Variants in RABGAP1L observed in about 807,000 individuals in gnomAD.
The protein encoded by RABGAP1L is rab GTPase-activating protein 1-like.
Under a neutral mutation model 137.7 loss-of-function variants are expected in RABGAP1L, and 63 were observed. That is an observed-to-expected ratio of 0.46 (90% CI 0.37 to 0.56). The LOEUF (loss-of-function observed/expected upper bound fraction) is 0.56. Ranked by LOEUF, RABGAP1L falls within the 20% of genes least tolerant of loss-of-function variation. RABGAP1L has a pLI of 0.00. For synonymous variants in RABGAP1L, 431 were observed against 433.7 expected, an observed-to-expected ratio of 0.99 and a Z score of 0.08; for missense variants, 1,095 against 1,244.0, an observed-to-expected ratio of 0.88 and a Z score of 1.80.
At chr1:174,582,817 A>G (rs1430370172) in intron 13 of RABGAP1L, among the ~76,000 whole-genome samples, 4 of 152,174 alleles carry the variant, frequency 2.6e-5, no homozygotes, top group African/African-American at 9.7e-5. Context: ...ATGCCTTACT[A>G]CTAGGACTTT....
intron 1 of RABGAP1L, among the ~76,000 whole-genome samples, chr1:174,172,914 A>G (rs568110790): frequency 2.0e-5 from 3 of 152,202 alleles, no homozygotes; most frequent in African/African-American, 7.2e-5. Context: ...GTATCCACCA[A>G]TATCATTGCC....
chr1:174,930,326 ACTT>A (rs1053553172), intron 19 of RABGAP1L, among the ~76,000 whole-genome samples: 6 of 148,500 alleles, frequency 4.0e-5, no homozygotes, highest in African/African-American at 1.5e-4. Flanking sequence ...CCTAGATCAA[ACTT>A]CTTTTTTTTT....
chr1:174,636,469 G>T (rs571317071), intron 13 of RABGAP1L, among the ~76,000 whole-genome samples: 1 of 151,416 alleles, frequency 6.6e-6, no homozygotes, highest in African/African-American at 2.4e-5. Flanking sequence ...CGGAGGTTGC[G>T]GTGAGCCAAG....
chr1:174,769,369 A>G (rs1010699706), intron 18 of RABGAP1L, among the ~76,000 whole-genome samples: 4 of 152,082 alleles, frequency 2.6e-5, no homozygotes, highest in African/African-American at 9.7e-5. Context: ...GTGTCATGCA[A>G]AAAACCTGAA....
At position 174,632,601 on chromosome 1, in the gene RABGAP1L, C is replaced by CT. The variant is rs1251078981; in HGVS notation, c.1711-4768dup. Among the ~76,000 whole-genome samples, 3 of 149,740 alleles carry CT rather than the reference C, an allele frequency of 2.0e-5. No individual in the cohort carries two copies. The East Asian group carries it at 5.8e-4, about 29-fold the overall frequency. On this transcript the variant is annotated intron_variant, in intron 13 of 25. Transcript: ENST00000681986. Reference sequence around the variant, plus strand: ...GAGGCTTTGCTCATTTCTTTTTATTCTTTTTTCTCTAAACTTCCCTTCTCG... The same window carrying CT: ...GAGGCTTTGCTCATTTCTTTTTATTCTTTTTTTCTCTAAACTTCCCTTCTCG...
At chr1:174,622,983 A>G (rs960807764) in intron 13 of RABGAP1L, among the ~76,000 whole-genome samples, 5 of 152,188 alleles carry the variant, frequency 3.3e-5, no homozygotes, top group African/African-American at 1.2e-4. Flanking sequence ...AATTTCCAAG[A>G]TCATTTTAAT....
At chr1:174,798,423 C>T (rs985522616) in intron 18 of RABGAP1L, among the ~76,000 whole-genome samples, 3 of 151,326 alleles carry the variant, frequency 2.0e-5, no homozygotes, top group Non-Finnish European at 4.4e-5. Flanking sequence ...AAAAAGAAAT[C>T]ATTTTTGGAA....
intron 24 of RABGAP1L, among the ~76,000 whole-genome samples, chr1:174,984,498 T>C (rs892047652): frequency 1.3e-5 from 2 of 152,096 alleles, no homozygotes; most frequent in Non-Finnish European, 2.9e-5. Flanking sequence ...CCCAACACTT[T>C]GGGAGGCTGA....
rs371380737 is a variant in RABGAP1L, at chr1:174,780,317, G to C, written c.2211+27963G>C. On this transcript the variant is annotated intron_variant, in intron 18 of 25. Transcript: ENST00000681986. ...AGATGGATGATTCCAACCTCACCAT[G>C]GATCTCTGCTCTACCTAAACTGGAA... Among the ~76,000 whole-genome samples, 5 of 152,018 alleles carry C rather than the reference G, an allele frequency of 3.3e-5. No homozygotes were observed. In the South Asian group the frequency reaches 1.0e-3, roughly 32 times the overall value.
chr1:174,349,500 A>T (rs1438409239), intron 11 of RABGAP1L, among the ~76,000 whole-genome samples: 6 of 109,424 alleles, frequency 5.5e-5, no homozygotes, highest in South Asian at 3.4e-4. Context: ...CTGGCCGGGC[A>T]GAGGGGCTCC....
chr1:174,835,228 A>AG (rs1336661525), intron 19 of RABGAP1L, among the ~76,000 whole-genome samples: 2 of 152,098 alleles, frequency 1.3e-5, no homozygotes, highest in Admixed American at 1.3e-4. Flanking sequence ...GGAAATTTGG[A>AG]GGGGGGAATG....
At chr1:174,581,617 G>A (rs1288991330) in intron 13 of RABGAP1L, among the ~76,000 whole-genome samples, 5 of 152,204 alleles carry the variant, frequency 3.3e-5, no homozygotes, top group South Asian at 4.1e-4. Flanking sequence ...TTTAAACCTC[G>A]ACTTGTGACA....
chr1:174,654,301 A>G (rs1220428513), intron 14 of RABGAP1L, among the ~76,000 whole-genome samples: 1 of 152,174 alleles, frequency 6.6e-6, no homozygotes, highest in Non-Finnish European at 1.5e-5. Flanking sequence ...CCCTCGTTCA[A>G]TTACAGCCTC....
At chr1:174,363,852 T>G (rs1684347757) in intron 11 of RABGAP1L, among the ~76,000 whole-genome samples, 1 of 110,788 alleles carries the variant, frequency 9.0e-6, no homozygotes, top group African/African-American at 2.9e-5. Context: ...TCACATTGAT[T>G]TATTTGCATA....
chr1:174,587,765 A>G (rs531587150), intron 13 of RABGAP1L, among the ~76,000 whole-genome samples: 8 of 151,676 alleles, frequency 5.3e-5, no homozygotes, highest in African/African-American at 1.7e-4. Flanking sequence ...CAGGCATGCA[A>G]TGCATGACAA....
chr1:174,674,195 G>A (rs902201278), intron 14 of RABGAP1L, among the ~76,000 whole-genome samples: 3 of 149,872 alleles, frequency 2.0e-5, no homozygotes, highest in Non-Finnish European at 4.4e-5. Flanking sequence ...CCATTAACTC[G>A]TCATTTAGCA....
At chr1:174,191,447 A>C (rs747985843) in intron 1 of RABGAP1L, among the ~76,000 whole-genome samples, 1 of 152,182 alleles carries the variant, frequency 6.6e-6, no homozygotes, top group Non-Finnish European at 1.5e-5. Flanking sequence ...CAGTTTGAGA[A>C]AAAAAGATTG....
chr1:174,421,239 A>G (rs1651253191), intron 13 of RABGAP1L, among the ~76,000 whole-genome samples: 1 of 152,088 alleles, frequency 6.6e-6, no homozygotes, highest in Non-Finnish European at 1.5e-5. Context: ...TTATGTTACA[A>G]CTGGGATTCA....
intron 13 of RABGAP1L, among the ~76,000 whole-genome samples, chr1:174,632,644 C>G (rs1290812875): frequency 1.1e-4 from 17 of 150,010 alleles, no homozygotes; most frequent in African/African-American, 1.5e-4. Flanking sequence ...TCATTCATTT[C>G]ATCTTCCATC....
Sources: allele counts gnomAD v4.1 joint callset (sites outside exome capture counted in the v4.1 genomes callset), GRCh38; gene constraint gnomAD v4.1.1; transcripts MANE v1.5; gene names NCBI Gene and HGNC (gene_info 2026-07-23, HGNC 2026-07-21).